Variants in MDGA2 observed in about 807,000 individuals in gnomAD.
MDGA2 encodes MAM domain-containing glycosylphosphatidylinositol anchor protein 2.
MDGA2 carries 40 observed loss-of-function variants against 117.8 expected under a neutral mutation model. The observed-to-expected ratio is 0.34, with a 90% CI of 0.26 to 0.44. MDGA2 has a LOEUF of 0.44. Among genes scored for constraint, MDGA2 ranks in the 20% least tolerant of loss-of-function variants. The pLI, the probability that MDGA2 is intolerant of heterozygous loss-of-function variation, is 1.00. For missense variants in MDGA2, 1,123 were observed against 1,250.6 expected (o/e 0.90, Z 1.54); for synonymous variants, 452 against 439.0 (o/e 1.03, Z -0.37).
chr14:47,372,023 T>G (rs1031916643), intron 1 of MDGA2, among the ~76,000 whole-genome samples: 9 of 151,820 alleles, frequency 5.9e-5, no homozygotes, highest in African/African-American at 2.2e-4. Flanking sequence ...ATAAAGCATC[T>G]GATATTTAGA....
chr14:47,245,173 G>T (rs770142828), intron 2 of MDGA2, among the ~76,000 whole-genome samples: 1 of 151,662 alleles, frequency 6.6e-6, no homozygotes, highest in Non-Finnish European at 1.5e-5. Context: ...ACAGGCACAT[G>T]CCATCATGCC....
In MDGA2 at chr14:47,440,799, G is replaced by A. The variant is rs139574000; in HGVS notation, c.281-139249C>T. Among the ~76,000 whole-genome samples, 166 of 152,072 alleles carry A rather than the reference G, an allele frequency of 1.1e-3. 1 individual carries two copies. The highest frequency in any genetic ancestry group is 3.5e-3 in the African/African-American group (144 of 41,508). On this transcript the variant is annotated intron_variant, in intron 1 of 16. Coordinates refer to ENST00000399232, the MANE Select transcript of MDGA2 (RefSeq NM_001113498.3). ...TCCCCATAGTTATGCTTTCATGGGG[G>A]AAATATGTGATTATTTCCTCTGGAA...
rs78225290 is a variant in MDGA2, at chr14:46,964,768, G to A, written c.1820-7125C>T. 2.0e-5 allele frequency among the ~76,000 whole-genome samples: 3 copies of A among 152,028 alleles called. No individual in the cohort carries two copies. The South Asian group carries it at 6.2e-4, about 32-fold the overall frequency. On this transcript the variant is annotated intron_variant, in intron 8 of 16. Coordinates refer to ENST00000399232, the MANE Select transcript of MDGA2 (RefSeq NM_001113498.3). ...AAGTTAAGTGAATACAGTCTTTGCT[G>A]TCAAGTTATATTTGTATTTGCCTAG...
chr14:47,572,988 A>C (rs1448938135), intron 1 of MDGA2, among the ~76,000 whole-genome samples: 3 of 152,186 alleles, frequency 2.0e-5, no homozygotes, highest in South Asian at 4.1e-4. Flanking sequence ...AATTAAAGGC[A>C]GAAATTATGC....
chr14:47,060,401 T>C (rs1465833721), intron 7 of MDGA2, among the ~76,000 whole-genome samples: 2 of 152,132 alleles, frequency 1.3e-5, no homozygotes, highest in East Asian at 1.9e-4. Context: ...ATCATGTGTC[T>C]ACTACATTTG....
At chr14:46,980,675 G>A (rs1165351059) in intron 8 of MDGA2, among the ~76,000 whole-genome samples, 1 of 152,144 alleles carries the variant, frequency 6.6e-6, no homozygotes, top group Non-Finnish European at 1.5e-5. Flanking sequence ...ACAGCCTTCA[G>A]TAACCACCAC....
intron 7 of MDGA2, among the ~76,000 whole-genome samples, chr14:47,056,709 GAAT>G (rs1889687439): frequency 6.6e-6 from 1 of 152,106 alleles, no homozygotes; most frequent in African/African-American, 2.4e-5. Flanking sequence ...CTCTACCATG[GAAT>G]AATACTGGAA....
At chr14:47,277,870 T>C (rs1430452831) in intron 2 of MDGA2, among the ~76,000 whole-genome samples, 1 of 152,148 alleles carries the variant, frequency 6.6e-6, no homozygotes, top group Non-Finnish European at 1.5e-5. Flanking sequence ...GAAATGCTGA[T>C]GGCTAGGAAC....
At chr14:47,018,020 C>T (rs931473197) in intron 8 of MDGA2, among the ~76,000 whole-genome samples, 7 of 152,002 alleles carry the variant, frequency 4.6e-5, no homozygotes, top group Non-Finnish European at 7.4e-5. Flanking sequence ...GACACAAGAG[C>T]ACTAGTACAT....
At chr14:47,516,290 G>A (rs1894748980) in intron 1 of MDGA2, among the ~76,000 whole-genome samples, 2 of 152,114 alleles carry the variant, frequency 1.3e-5, no homozygotes, top group South Asian at 4.1e-4. Flanking sequence ...AAGGAGTGTT[G>A]TAAAATGGTC....
At chr14:46,876,009 C>A (rs1276544523) in intron 12 of MDGA2, among the ~76,000 whole-genome samples, 2 of 151,310 alleles carry the variant, frequency 1.3e-5, no homozygotes, top group South Asian at 4.2e-4. Flanking sequence ...ATATTTAAGT[C>A]TTTCATAGTA....
At chr14:46,907,626 C>G (rs28713560) in intron 10 of MDGA2, among the ~76,000 whole-genome samples, 3,755 of 152,138 alleles carry the variant, frequency 0.025, 155 homozygotes, top group African/African-American at 0.085. Flanking sequence ...ATGTGTTGCT[C>G]TCATTTCTTA....
intron 1 of MDGA2, among the ~76,000 whole-genome samples, chr14:47,591,130 C>A (rs1224455897): frequency 6.6e-6 from 1 of 151,972 alleles, no homozygotes; most frequent in Non-Finnish European, 1.5e-5. Context: ...CATTTTAGTA[C>A]CAGCTTTACA....
At chr14:46,955,855 C>T (rs1334586346) in intron 9 of MDGA2, among the ~76,000 whole-genome samples, 1 of 148,076 alleles carries the variant, frequency 6.8e-6, no homozygotes, top group Non-Finnish European at 1.5e-5. Context: ...AAGTAAACAG[C>T]ATTATCTTGA....
chr14:47,258,833 T>G (rs1032319984), intron 2 of MDGA2, among the ~76,000 whole-genome samples: 1 of 151,928 alleles, frequency 6.6e-6, no homozygotes, highest in African/African-American at 2.4e-5. Flanking sequence ...ATTTTTCTAA[T>G]TAAGAACTGA....
chr14:47,415,993 C>T (rs1287261770), intron 1 of MDGA2, among the ~76,000 whole-genome samples: 1 of 152,178 alleles, frequency 6.6e-6, no homozygotes, highest in Non-Finnish European at 1.5e-5. Flanking sequence ...GGGGGTTACA[C>T]AAATATTCAG....
chr14:46,868,580 GAT>G (rs1207066707), intron 14 of MDGA2, among the ~76,000 whole-genome samples: 1 of 151,952 alleles, frequency 6.6e-6, no homozygotes, highest in Non-Finnish European at 1.5e-5. Context: ...TTTAGAGAAA[GAT>G]CTTTACCCTG....
chr14:47,559,737 T>C (rs1895759915), intron 1 of MDGA2, among the ~76,000 whole-genome samples: 1 of 151,940 alleles, frequency 6.6e-6, no homozygotes, highest in African/African-American at 2.4e-5. Context: ...CACGCCCAGC[T>C]AATTTTTGTA....
At chr14:47,054,997 CTTTTCTTTTT>C (rs1249733941) in intron 7 of MDGA2, among the ~76,000 whole-genome samples, 80 of 79,488 alleles carry the variant, frequency 1.0e-3, no homozygotes, top group African/African-American at 3.7e-3. Context: ...ATTTTTTTTT[CTTTTCTTTTT>C]TTTTTTTTTT....
Sources: gnomAD v4.1 joint callset for allele counts (sites outside exome capture counted in the v4.1 genomes callset) on GRCh38, gnomAD v4.1.1 for gene constraint, MANE v1.5 for transcripts, NCBI Gene and HGNC (gene_info 2026-07-23, HGNC 2026-07-21) for gene names.